AGBL1: variants seen among roughly 807,000 people sequenced by gnomAD.
The protein encoded by AGBL1 is cytosolic carboxypeptidase 4.
AGBL1 carries 130 observed loss-of-function variants against 118.9 expected under a neutral mutation model. The observed-to-expected ratio is 1.09, with a 90% confidence interval of 0.95 to 1.26. The LOEUF (loss-of-function observed/expected upper bound fraction) is 1.26. Ranked by LOEUF, AGBL1 falls within the 50% of genes most tolerant of loss-of-function variation. The pLI, the probability that AGBL1 is intolerant of heterozygous loss-of-function variation, is 0.00. For missense variants in AGBL1, 1,584 were observed against 1,298.1 expected (o/e 1.22, Z -3.38); for synonymous variants, 555 against 478.9 (o/e 1.16, Z -2.08).
At chr15:86,956,202 T>G (rs1235936623) in intron 23 of AGBL1, among the ~76,000 whole-genome samples, 1 of 144,822 alleles carries the variant, frequency 6.9e-6, no homozygotes, top group Non-Finnish European at 1.5e-5. Flanking sequence ...TATAGATAGG[T>G]AGATAGATGA....
At chr15:86,943,757 A>C (rs578196195) in intron 23 of AGBL1, among the ~76,000 whole-genome samples, 1 of 152,238 alleles carries the variant, frequency 6.6e-6, no homozygotes, top group East Asian at 1.9e-4. Flanking sequence ...TCCCTATGCA[A>C]GTTTTAGCTT....
chr15:86,552,021 G>A (rs1949090514), intron 20 of AGBL1, among the ~76,000 whole-genome samples: 1 of 152,126 alleles, frequency 6.6e-6, no homozygotes, highest in African/African-American at 2.4e-5. Context: ...GATTCTTAGG[G>A]CAGTAAAACT....
chr15:86,723,156 G>A (rs1208442731), intron 22 of AGBL1, among the ~76,000 whole-genome samples: 3 of 152,154 alleles, frequency 2.0e-5, no homozygotes, highest in East Asian at 3.8e-4. Context: ...ATTACTGAGT[G>A]TATGTCCAAA....
At chr15:87,015,784 A>C (rs761677147) in intron 24 of AGBL1, among the ~76,000 whole-genome samples, 8 of 152,180 alleles carry the variant, frequency 5.3e-5, no homozygotes, top group Non-Finnish European at 1.2e-4. Flanking sequence ...AGTCTAAGCT[A>C]ACTTGAAAAC....
intron 22 of AGBL1, among the ~76,000 whole-genome samples, chr15:86,819,105 C>G (rs2078903419): frequency 6.6e-6 from 1 of 151,936 alleles, no homozygotes; most frequent in Admixed American, 6.6e-5. Flanking sequence ...GTATAGCCAG[C>G]ATTTTTGTCC....
intron 21 of AGBL1, among the ~76,000 whole-genome samples, chr15:86,587,809 C>G (rs2084275571): frequency 1.3e-5 from 2 of 152,180 alleles, no homozygotes; most frequent in Admixed American, 1.3e-4. Flanking sequence ...AGTAATCACA[C>G]AACAGCTGCT....
intron 19 of AGBL1, among the ~76,000 whole-genome samples, chr15:86,523,784 C>A (rs78668239): frequency 6.6e-6 from 1 of 152,126 alleles, no homozygotes; most frequent in African/African-American, 2.4e-5. Flanking sequence ...TAGTACTATA[C>A]AATTGATTGA....
At chr15:86,136,253 C>T (rs62012441) in intron 1 of AGBL1, among the ~76,000 whole-genome samples, 4,287 of 152,284 alleles carry the variant, frequency 0.028, 81 homozygotes, top group Middle Eastern at 0.044. Context: ...TAGTTTGTTA[C>T]CCCCACAATA....
intron 17 of AGBL1, among the ~76,000 whole-genome samples, chr15:86,378,706 A>G (rs2081071757): frequency 6.6e-6 from 1 of 151,816 alleles, no homozygotes. Context: ...TATTATACCC[A>G]TTTCACAGCT....
At chr15:86,095,643 A>T (rs1896318316) in intron 1 of AGBL1, among the ~76,000 whole-genome samples, 2 of 116,712 alleles carry the variant, frequency 1.7e-5, no homozygotes, top group South Asian at 3.0e-4. Context: ...ATGACCTTGG[A>T]TACCTTTTTT....
rs34846889 is a variant in AGBL1, at chr15:86,525,157, C to CAA, written c.2685+2227_2685+2228dup. Among the ~76,000 whole-genome samples the CAA allele has an allele frequency of 2.6e-3, 381 of 144,794 alleles. 2 individuals carry two copies. Among genetic ancestry groups the CAA allele is most frequent in the African/African-American group, 8.1e-3 (324 of 40,226 alleles). 95.0% of individuals were successfully genotyped at this position (144,794 alleles called of 152,430 possible). A position where few individuals can be genotyped will look rare whatever the true frequency, so the allele number is the denominator to read the frequency against. On this transcript the variant is annotated intron_variant, in intron 19 of 22. Transcript: ENST00000614907. The stretch of plus-strand genomic sequence containing the variant: ...AACTCCGTTTTATTAACAATAGCTA[C>CAA]AAAAAAAAAATACCCAGGAATATAT...
At chr15:86,920,101 A>G (rs2080469432), downstream of AGBL1, among the ~76,000 whole-genome samples, 1 of 152,220 alleles carries the variant, frequency 6.6e-6, no homozygotes, top group Admixed American at 6.5e-5. Flanking sequence ...TCTGTTCAAG[A>G]GGCCTCGAAA....
At chr15:86,206,714 T>C (rs1488026574) in intron 5 of AGBL1, among the ~76,000 whole-genome samples, 1 of 152,234 alleles carries the variant, frequency 6.6e-6, no homozygotes, top group Admixed American at 6.5e-5. Context: ...ATATTAGCCC[T>C]TTGTCAGATG....
chr15:86,627,739 G>T (rs1319546198), intron 21 of AGBL1, among the ~76,000 whole-genome samples: 1 of 152,230 alleles, frequency 6.6e-6, no homozygotes, highest in Admixed American at 6.5e-5. Flanking sequence ...AGTTAGGAAG[G>T]AAGAGAGAGT....
chr15:86,383,500 T>A (rs2081141617), intron 17 of AGBL1, among the ~76,000 whole-genome samples: 1 of 151,956 alleles, frequency 6.6e-6, no homozygotes. Flanking sequence ...GGCAGGAGAA[T>A]CTCTTGCATC....
chr15:86,385,691 T>C (rs541533768), intron 17 of AGBL1, among the ~76,000 whole-genome samples: 1 of 152,284 alleles, frequency 6.6e-6, no homozygotes, highest in Admixed American at 6.5e-5. Flanking sequence ...AAATGTTGAA[T>C]ACATGAATGG....
rs534923731 is a variant in AGBL1 at position 86,810,708 on chromosome 15, C to G, written c.3159-96379C>G. On this transcript the variant is annotated intron_variant, in intron 22 of 22. Transcript: ENST00000614907. ...GCCAGTGCAGAGGAAAATTTTTTTT[C>G]CATCTCTGGTGTGCTTTCTTTGCCT... Among the ~76,000 whole-genome samples, 272 of 152,078 alleles carry G rather than the reference C, an allele frequency of 1.8e-3. 2 individuals carry two copies. Among genetic ancestry groups the G allele is most frequent in the African/African-American group, 6.1e-3 (255 of 41,482 alleles).
At chr15:86,359,327 G>A (rs947111759) in intron 17 of AGBL1, among the ~76,000 whole-genome samples, 1 of 145,240 alleles carries the variant, frequency 6.9e-6, no homozygotes, top group Non-Finnish European at 1.5e-5. Flanking sequence ...TCAGTTGACT[G>A]TACTTCCTCA....
At chr15:86,766,908 G>A (rs1476217851) in intron 22 of AGBL1, among the ~76,000 whole-genome samples, 3 of 151,554 alleles carry the variant, frequency 2.0e-5, no homozygotes, top group African/African-American at 4.8e-5. Flanking sequence ...ACCTACAGAC[G>A]CCATTTCTAA....
Sources: gnomAD v4.1 joint callset for allele counts (sites outside exome capture counted in the v4.1 genomes callset) on GRCh38, gnomAD v4.1.1 for gene constraint, MANE v1.5 for transcripts, NCBI Gene and HGNC (gene_info 2026-07-23, HGNC 2026-07-21) for gene names.